CMTR1: variants seen among roughly 807,000 people sequenced by gnomAD.
The protein encoded by CMTR1 is cap-specific mRNA (nucleoside-2'-O-)-methyltransferase 1.
In CMTR1, 39 loss-of-function variants were observed where a neutral mutation model predicts 107.0. The ratio of observed to expected loss-of-function variants is 0.36; its 90% CI spans 0.28 to 0.48. CMTR1 has a LOEUF of 0.48. CMTR1 is among the 20% of genes least tolerant of loss of function. The pLI, the probability that CMTR1 is intolerant of heterozygous loss-of-function variation, is 0.99. For synonymous variants in CMTR1, 366 were observed against 379.5 expected (o/e 0.96, Z 0.41); for missense variants, 672 against 1,064.9 (o/e 0.63, Z 5.14).
At chr6:37,455,559 C>T (rs1454297989) in intron 8 of CMTR1, among the ~76,000 whole-genome samples, 1 of 152,100 alleles carries the variant, frequency 6.6e-6, no homozygotes, top group African/African-American at 2.4e-5. Flanking sequence ...GTCAGGGGTT[C>T]GAGTGCCTGG....
At chr6:37,468,332 C>G (rs1451617915) in intron 13 of CMTR1, among the ~76,000 whole-genome samples, 1 of 151,966 alleles carries the variant, frequency 6.6e-6, no homozygotes, top group East Asian at 1.9e-4. Flanking sequence ...TATATAAACT[C>G]TACTTTATAT....
At chr6:37,478,306 C>A in intron 21 of CMTR1, 103 bp from the exon 22 acceptor site, 1 of 914,358 alleles carries the variant, frequency 1.1e-6, no homozygotes, top group Non-Finnish European at 1.8e-6. Context: ...TTAAGTCAAA[C>A]CAGGATCAGA....
At chr6:37,470,162 T>A (rs968107851) in intron 13 of CMTR1, among the ~76,000 whole-genome samples, 1 of 152,034 alleles carries the variant, frequency 6.6e-6, no homozygotes, top group Non-Finnish European at 1.5e-5. Context: ...CTTTTTTTTT[T>A]TTGAGATGGA....
chr6:37,426,309 C>G, the CMTR1 span, among the ~76,000 whole-genome samples: 18 of 151,918 alleles, frequency 1.2e-4, no homozygotes, highest in South Asian at 8.3e-4. Flanking sequence ...TTTATTTTTT[C>G]TTTTGAATGT....
chr6:37,473,412 G>T, intron 16 of CMTR1, 58 bp from the exon 17 acceptor site: 2 of 1,570,308 alleles, frequency 1.3e-6, no homozygotes, highest in Non-Finnish European at 8.6e-7. Flanking sequence ...GCCCAGATAG[G>T]CACCCATACT....
intron 5 of CMTR1, among the ~76,000 whole-genome samples, chr6:37,451,518 C>T (rs1347118356): frequency 6.6e-6 from 1 of 152,176 alleles, no homozygotes; most frequent in Non-Finnish European, 1.5e-5. Flanking sequence ...TTGAATGTCT[C>T]CTTCCTGTTT....
intron 3 of CMTR1, 88 bp from the exon 4 acceptor site, chr6:37,446,203 G>C: frequency 7.3e-7 from 1 of 1,376,994 alleles, no homozygotes; most frequent in Non-Finnish European, 1.0e-6. Flanking sequence ...ATTTTTCTTA[G>C]GATTTAGCAC....
intron 5 of CMTR1, 47 bp from the exon 6 acceptor site, chr6:37,451,759 A>T: frequency 7.1e-7 from 1 of 1,407,248 alleles, no homozygotes; most frequent in Non-Finnish European, 1.0e-6. Flanking sequence ...ATCCCCGACA[A>T]TTGCAGTCAC....
At chr6:37,460,162 C>T (rs917793549) in intron 10 of CMTR1, among the ~76,000 whole-genome samples, 2 of 152,214 alleles carry the variant, frequency 1.3e-5, no homozygotes, top group Non-Finnish European at 2.9e-5. Context: ...TGGAGTGAGC[C>T]ACCACTTACT....
In CMTR1 at chr6:37,446,162, G is replaced by C. The variant is rs1343683682; in HGVS notation, c.286-129G>C. 9.3e-5 allele frequency: 95 copies of C among 1,025,128 alleles called. 4 individuals are homozygous for C. In the Middle Eastern group the frequency reaches 1.3e-3, roughly 14 times the overall value. The allele number at this position is 1,025,128 out of a possible 1,614,324, so 63.5% of individuals were successfully genotyped here. On this transcript the variant is annotated intron_variant, in intron 3 of 23. Transcript: ENST00000373451. The stretch of plus-strand genomic sequence containing the variant: ...TTATTTATGCTTCTTTTCTTCATTA[G>C]GCTAAGACAAACTTTAGACTTTAAT...
At position 37,454,965 on chromosome 6, in the gene CMTR1, T is replaced by G. The variant is rs1051144866; in HGVS notation, c.777+1653T>G. The stretch of plus-strand genomic sequence containing the variant: ...CTGAAGGCCCAGGCACACACCCATG[T>G]TTGCTAGGGTCATAATGGCTCTTGG... On this transcript the variant is annotated intron_variant, in intron 8 of 23. Coordinates refer to ENST00000373451, the MANE Select transcript of CMTR1 (RefSeq NM_015050.3). Among the ~76,000 whole-genome samples the G allele has an allele frequency of 4.3e-4, 65 of 152,128 alleles. 1 individual carries two copies. Among genetic ancestry groups the G allele is most frequent in the African/African-American group, 1.5e-3 (61 of 41,422 alleles).
At chr6:37,459,472 C>G in intron 9 of CMTR1, 94 bp from the exon 10 acceptor site, 1 of 1,015,532 alleles carries the variant, frequency 9.8e-7, no homozygotes, top group Admixed American at 1.7e-5. Context: ...CTTGAGACAC[C>G]TGATGCCCGT....
In CMTR1 at chr6:37,472,873, C is replaced by T. The variant is rs1193038768; in HGVS notation, c.1689+386C>T. On this transcript the variant is annotated intron_variant, in intron 16 of 23. Coordinates refer to ENST00000373451, the MANE Select transcript of CMTR1 (RefSeq NM_015050.3). The surrounding 1 kb of genome is among the most constrained non-coding windows in gnomAD (Gnocchi z 4.1). Reference sequence around the variant, plus strand: ...TGAAGGGAGCTGCCAGGGAAGCCCGCAGCAGGGTTGGCCTAACCCCAGGTT... The same window carrying T: ...TGAAGGGAGCTGCCAGGGAAGCCCGTAGCAGGGTTGGCCTAACCCCAGGTT... Among the ~76,000 whole-genome samples the T allele has an allele frequency of 6.6e-6, 1 of 152,232 alleles. No homozygotes were observed. Among genetic ancestry groups the T allele is most frequent in the Non-Finnish European group, 1.5e-5 (1 of 68,056 alleles).
rs2113899153 is a variant in CMTR1 at position 37,479,873 on chromosome 6, A to ACCGGGTACCTTTTGCCTG, written c.2376-134_2376-117dup. On this transcript the variant is annotated intron_variant, in intron 23 of 23. Transcript: ENST00000373451. ...CTGGGAGGCAGGGGAGTTAGGGCCT[A>ACCGGGTACCTTTTGCCTG]CCGGGTACCTTTTGCCTGCCGGGGG... The ACCGGGTACCTTTTGCCTG allele has an allele frequency of 3.7e-6, 3 of 810,390 alleles. No homozygotes were observed. The East Asian group carries it at 8.9e-5, about 24-fold the overall frequency. 50.2% of individuals were successfully genotyped at this position (810,390 alleles called of 1,614,324 possible). A position where few individuals can be genotyped will look rare whatever the true frequency, so the allele number is the denominator to read the frequency against.
intron 22 of CMTR1, among the ~76,000 whole-genome samples, chr6:37,478,936 G>C (rs549464779): frequency 6.6e-6 from 1 of 152,308 alleles, no homozygotes; most frequent in South Asian, 2.1e-4. Flanking sequence ...TGGCAGGACT[G>C]GGGTGGGGTC....
At chr6:37,451,719 T>C in intron 5 of CMTR1, 87 bp from the exon 6 acceptor site, 1 of 950,000 alleles carries the variant, frequency 1.1e-6, no homozygotes, top group East Asian at 2.5e-5. Context: ...CTTCTTGCTC[T>C]ACTTACTTGG....
intron 10 of CMTR1, among the ~76,000 whole-genome samples, chr6:37,460,852 C>T (rs1392896883): frequency 6.6e-6 from 1 of 152,146 alleles, no homozygotes; most frequent in Non-Finnish European, 1.5e-5. Context: ...AACACTGTGC[C>T]ACCTGATGTC....
chr6:37,474,443 C>A, intron 17 of CMTR1, 81 bp from the exon 18 acceptor site: 1 of 1,554,622 alleles, frequency 6.4e-7, no homozygotes. Flanking sequence ...TAGCTGCCAA[C>A]TAAAAGCTCT....
intron 13 of CMTR1, among the ~76,000 whole-genome samples, chr6:37,467,328 A>G (rs1222750908): frequency 6.6e-6 from 1 of 152,182 alleles, no homozygotes; most frequent in Admixed American, 6.5e-5. Context: ...GATTTTCAAG[A>G]TATCTATTAG....
Sources: gnomAD v4.1 joint callset for allele counts (sites outside exome capture counted in the v4.1 genomes callset) on GRCh38, gnomAD v4.1.1 for gene constraint, Gnocchi (gnomAD v3.1) non-coding constraint, MANE v1.5 for transcripts, NCBI Gene and HGNC (gene_info 2026-07-23, HGNC 2026-07-21) for gene names.